CSMD1: variants seen among roughly 807,000 people sequenced by gnomAD.
CSMD1 encodes CUB and Sushi multiple domains 1.
Under a neutral mutation model 417.5 loss-of-function variants are expected in CSMD1, and 213 were observed. The ratio of observed to expected loss-of-function variants is 0.51; its 90% CI spans 0.46 to 0.57. The LOEUF is 0.57. Ranked by LOEUF, CSMD1 falls within the 20% of genes least tolerant of loss-of-function variation. The pLI, the probability that CSMD1 is intolerant of heterozygous loss-of-function variation, is 0.00. For missense variants in CSMD1, 6,923 were observed against 4,529.7 expected, an observed-to-expected ratio of 1.53 and a Z score of -15.17; for synonymous variants, 2,862 against 1,736.8, an observed-to-expected ratio of 1.65 and a Z score of -16.11.
At chr8:3,665,997 C>G (rs1798672178) in intron 7 of CSMD1, among the ~76,000 whole-genome samples, 1 of 152,098 alleles carries the variant, frequency 6.6e-6, no homozygotes, top group African/African-American at 2.4e-5. Flanking sequence ...CCTGCCTTAG[C>G]CTCCTCCTGC....
At chr8:3,990,801 A>G (rs1018780101) in intron 5 of CSMD1, among the ~76,000 whole-genome samples, 3 of 152,114 alleles carry the variant, frequency 2.0e-5, no homozygotes, top group African/African-American at 7.2e-5. Flanking sequence ...AGGGGAGGGC[A>G]GGAAATAATT....
intron 3 of CSMD1, among the ~76,000 whole-genome samples, chr8:4,342,914 T>A (rs1318079153): frequency 6.6e-6 from 1 of 152,038 alleles, no homozygotes; most frequent in Non-Finnish European, 1.5e-5. Flanking sequence ...TTTTAGAGAA[T>A]TCCAAGATAT....
At chr8:4,642,627 G>T (rs1334244117) in intron 1 of CSMD1, among the ~76,000 whole-genome samples, 6 of 152,202 alleles carry the variant, frequency 3.9e-5, no homozygotes, top group Non-Finnish European at 5.9e-5. Flanking sequence ...TTCTCAGAAA[G>T]TAGTAGAGGT....
At chr8:3,876,005 A>G (rs1805790683) in intron 5 of CSMD1, among the ~76,000 whole-genome samples, 1 of 152,184 alleles carries the variant, frequency 6.6e-6, no homozygotes, top group African/African-American at 2.4e-5. Context: ...TTCTTCCTAC[A>G]GTTCTATTTC....
At chr8:3,574,363 C>T (rs538994242) in intron 10 of CSMD1, among the ~76,000 whole-genome samples, 1 of 152,168 alleles carries the variant, frequency 6.6e-6, no homozygotes, top group South Asian at 2.1e-4. Context: ...GCCTCAGCCT[C>T]TCGAATAGCT....
chr8:4,864,845 G>C (rs1024832351), intron 1 of CSMD1, among the ~76,000 whole-genome samples: 2 of 146,882 alleles, frequency 1.4e-5, no homozygotes, highest in Non-Finnish European at 3.0e-5. Flanking sequence ...AAAGTAATTG[G>C]CCTAATATCA....
At chr8:3,249,329 C>A (rs1475788799) in intron 26 of CSMD1, among the ~76,000 whole-genome samples, 1 of 152,138 alleles carries the variant, frequency 6.6e-6, no homozygotes, top group East Asian at 1.9e-4. Flanking sequence ...TCATGTGATT[C>A]TCAATGCCTC....
At chr8:4,163,009 C>T (rs1025868894) in intron 3 of CSMD1, among the ~76,000 whole-genome samples, 2 of 152,146 alleles carry the variant, frequency 1.3e-5, no homozygotes, top group Non-Finnish European at 2.9e-5. Flanking sequence ...TTCAGACTGA[C>T]TTCTTTCACT....
intron 5 of CSMD1, among the ~76,000 whole-genome samples, chr8:3,955,160 C>A (rs1811856454): frequency 6.6e-6 from 1 of 152,198 alleles, no homozygotes; most frequent in Admixed American, 6.5e-5. Flanking sequence ...GAAGCACTGA[C>A]TGTCCTCCTG....
intron 1 of CSMD1, among the ~76,000 whole-genome samples, chr8:4,762,172 C>G (rs953648679): frequency 5.3e-5 from 8 of 152,002 alleles, no homozygotes; most frequent in African/African-American, 1.9e-4. Context: ...CAAAAGAGAA[C>G]CAAAATATCT....
At chr8:4,278,613 T>C (rs1017413549) in intron 3 of CSMD1, among the ~76,000 whole-genome samples, 3 of 152,320 alleles carry the variant, frequency 2.0e-5, no homozygotes, top group African/African-American at 7.2e-5. Flanking sequence ...AATTCATGAA[T>C]GGAAACTCAA....
At chr8:3,496,197 C>T (rs1209563577) in intron 10 of CSMD1, among the ~76,000 whole-genome samples, 1 of 152,200 alleles carries the variant, frequency 6.6e-6, no homozygotes, top group South Asian at 2.1e-4. Flanking sequence ...TAAGTGCCTG[C>T]TTAATGTTCC....
At chr8:4,094,866 G>A (rs13340565) in intron 3 of CSMD1, among the ~76,000 whole-genome samples, 34,110 of 152,092 alleles carry the variant, frequency 0.22, 4,762 homozygotes, top group African/African-American at 0.39. Context: ...TGTGTTTGGG[G>A]CATATTGTGT....
chr8:4,643,064 C>T (rs1274794451), intron 1 of CSMD1, among the ~76,000 whole-genome samples: 5 of 152,096 alleles, frequency 3.3e-5, no homozygotes, highest in African/African-American at 1.2e-4. Flanking sequence ...CATTTGAAAG[C>T]GTATATAGAT....
chr8:4,094,210 G>A (rs1052148627), intron 3 of CSMD1, among the ~76,000 whole-genome samples: 5 of 152,020 alleles, frequency 3.3e-5, no homozygotes, highest in African/African-American at 1.2e-4. Context: ...TGTGAGCTTG[G>A]CTGCACTAGC....
At chr8:3,548,472 G>C (rs1407890749) in intron 10 of CSMD1, among the ~76,000 whole-genome samples, 2 of 151,712 alleles carry the variant, frequency 1.3e-5, no homozygotes, top group South Asian at 2.1e-4. Flanking sequence ...CTGAGTCCTC[G>C]AGGTCTACCC....
intron 3 of CSMD1, among the ~76,000 whole-genome samples, chr8:4,073,474 C>T: frequency 6.6e-6 from 1 of 152,116 alleles, no homozygotes; most frequent in East Asian, 1.9e-4. Context: ...ATTTTCTCCT[C>T]ATTTTCTGGC....
rs149897545 is a variant in CSMD1 at position 3,551,281 on chromosome 8, C to A, written c.1344+23664G>T. On this transcript the variant is annotated intron_variant, in intron 10 of 69. Transcript: ENST00000635120. Reference sequence around the variant, plus strand: ...AATATCTTGTGGCATATTTTCTGTACTACAGGACTGTCATATCCAAACTCT... The same window carrying A: ...AATATCTTGTGGCATATTTTCTGTAATACAGGACTGTCATATCCAAACTCT... Among the ~76,000 whole-genome samples, 329 of 152,230 alleles carry A rather than the reference C, an allele frequency of 2.2e-3. 1 individual carries two copies. Among genetic ancestry groups the A allele is most frequent in the Non-Finnish European group, 4.1e-3 (280 of 68,004 alleles).
At chr8:2,983,528 A>C (rs1010367151) in intron 54 of CSMD1, among the ~76,000 whole-genome samples, 1 of 152,184 alleles carries the variant, frequency 6.6e-6, no homozygotes, top group South Asian at 2.1e-4. Flanking sequence ...ATTCATTAAA[A>C]TGTATTACTT....
Sources: allele counts gnomAD v4.1 joint callset (sites outside exome capture counted in the v4.1 genomes callset), GRCh38; gene constraint gnomAD v4.1.1; transcripts MANE v1.5; gene names NCBI Gene and HGNC (gene_info 2026-07-23, HGNC 2026-07-21).